The following RAB33A variants were observed in gnomAD, a reference collection of about 807,000 sequenced individuals.
RAB33A encodes RAB33A, member RAS oncogene family.
A neutral mutation model predicts 12.0 loss-of-function variants in RAB33A; 6 were observed. That is an observed-to-expected ratio of 0.50 (90% confidence interval 0.27 to 0.99). The LOEUF is 0.99. RAB33A is among the 50% of genes least tolerant of loss of function. RAB33A has a pLI of 0.11. For missense variants in RAB33A, 109 were observed against 192.0 expected (o/e 0.57, Z 2.55); for synonymous variants, 70 against 82.4 (o/e 0.85, Z 0.81).
upstream of RAB33A, among the ~76,000 whole-genome samples, chrX:130,168,210 C>CTT (rs377586962): frequency 7.4e-5 from 7 of 94,146 alleles, no homozygotes; most frequent in Non-Finnish European, 4.3e-5. Flanking sequence ...CAAAGATACT[C>CTT]TTTTTTTTTT....
At chrX:130,183,626 A>G (rs144932476) in intron 1 of RAB33A, among the ~76,000 whole-genome samples, 326 of 111,795 alleles carry the variant, frequency 2.9e-3, no homozygotes, top group African/African-American at 9.8e-3. Context: ...TTTCTTTTGT[A>G]TAGATTTCTG....
At chrX:130,144,595 T>C in the RAB33A span, among the ~76,000 whole-genome samples, 24 of 111,786 alleles carry the variant, frequency 2.1e-4, no homozygotes, top group Non-Finnish European at 4.3e-4. Flanking sequence ...TTCCATAAGA[T>C]TGCCCATTCT....
chrX:130,140,071 G>C, the RAB33A span, among the ~76,000 whole-genome samples: 245 of 112,372 alleles, frequency 2.2e-3, no homozygotes, highest in African/African-American at 7.2e-3. Flanking sequence ...GCAGATTTGA[G>C]AGTCTGTCTT....
chrX:130,137,269 C>A, the RAB33A span: 1 of 1,201,640 alleles, frequency 8.3e-7, no homozygotes, highest in African/African-American at 1.8e-5. Flanking sequence ...GAGCAGCAGG[C>A]AGCCCTCACT....
At chrX:130,137,103 G>T in the RAB33A span, 1 of 1,211,491 alleles carries the variant, frequency 8.3e-7, no homozygotes, top group Non-Finnish European at 1.1e-6. Context: ...CCATGGTCCA[G>T]TTGCTGAGGT....
the RAB33A span, among the ~76,000 whole-genome samples, chrX:130,123,590 G>A: frequency 1.1e-4 from 12 of 107,621 alleles, 1 homozygote; most frequent in African/African-American, 3.1e-4. Flanking sequence ...TCAGCTATTC[G>A]GGAGGCTGAG....
chrX:130,171,887 C>A, upstream of RAB33A: 2 of 495,677 alleles, frequency 4.0e-6, no homozygotes, highest in South Asian at 3.7e-5. Context: ...GTGAGAGGCA[C>A]CCCCTTCACG....
At chrX:130,137,913 T>C in the RAB33A span, 2 of 218,331 alleles carry the variant, frequency 9.2e-6, no homozygotes, top group Non-Finnish European at 1.4e-5. Flanking sequence ...AAATACAAAA[T>C]TAGCCAGGTG....
chrX:130,148,403 A>G, the RAB33A span, among the ~76,000 whole-genome samples: 1 of 112,047 alleles, frequency 8.9e-6, no homozygotes, highest in Non-Finnish European at 1.9e-5. Flanking sequence ...GTCCTCTCTG[A>G]AAATTGAAGT....
chrX:130,167,431 TAGAG>T (rs1347260727), upstream of RAB33A, among the ~76,000 whole-genome samples: 1 of 112,948 alleles, frequency 8.9e-6, no homozygotes, highest in South Asian at 3.6e-4. Context: ...GGGACAATGA[TAGAG>T]AGTACATACT....
chrX:130,163,681 C>T, the RAB33A span, among the ~76,000 whole-genome samples: 25 of 112,207 alleles, frequency 2.2e-4, no homozygotes, highest in Admixed American at 2.4e-3. Context: ...CCATTTGAGT[C>T]TGTATTTTTC....
chrX:130,154,794 C>G, the RAB33A span, among the ~76,000 whole-genome samples: 1 of 112,437 alleles, frequency 8.9e-6, no homozygotes, highest in Non-Finnish European at 1.9e-5. Context: ...TTCACATTAC[C>G]TTTATTTGCT....
the RAB33A span, among the ~76,000 whole-genome samples, chrX:130,147,056 A>T: frequency 9.0e-6 from 1 of 111,463 alleles, no homozygotes; most frequent in East Asian, 2.8e-4. Flanking sequence ...CAGCTACTTG[A>T]GAAGCTGAGG....
At chrX:130,116,316 C>T in the RAB33A span, among the ~76,000 whole-genome samples, 8 of 109,112 alleles carry the variant, frequency 7.3e-5, no homozygotes, top group African/African-American at 1.7e-4. Flanking sequence ...TATTTTGAGA[C>T]GGAATCTCAC....
chrX:130,117,398 T>C, the RAB33A span, among the ~76,000 whole-genome samples: 1 of 111,092 alleles, frequency 9.0e-6, no homozygotes, highest in African/African-American at 3.3e-5. Flanking sequence ...GAGTAGGTGC[T>C]CACCCTGAGC....
At position 130,174,631 on chromosome X, in the gene RAB33A, C is replaced by T. The variant is rs780475078; in HGVS notation, c.258+2311C>T. On this transcript the variant is annotated intron_variant, in intron 1 of 1. Transcript: ENST00000257017. ...GAGAGAAAAGTCCAGTGTGACAGTC[C>T]GAGGTCTGGCCTAGACCATGGCCAG... Among the ~76,000 whole-genome samples the T allele has an allele frequency of 1.6e-4, 18 of 112,048 alleles. 1 individual carries two copies. The South Asian group carries it at 6.7e-3, about 42-fold the overall frequency.
intron 1 of RAB33A, among the ~76,000 whole-genome samples, chrX:130,183,414 G>A (rs1309815330): frequency 9.2e-6 from 1 of 108,368 alleles, no homozygotes; most frequent in Non-Finnish European, 1.9e-5. Context: ...AATTATCCAG[G>A]CGTGGTGGCG....
At chrX:130,168,996 C>A (rs778400413), upstream of RAB33A, among the ~76,000 whole-genome samples, 55 of 109,737 alleles carry the variant, frequency 5.0e-4, no homozygotes, top group African/African-American at 1.3e-3. Context: ...TCACGAGGTC[C>A]GGAGATCGAG....
intron 1 of RAB33A, among the ~76,000 whole-genome samples, chrX:130,172,753 G>T (rs190567734): frequency 8.2e-4 from 92 of 111,644 alleles, no homozygotes; most frequent in African/African-American, 2.7e-3. Context: ...ACCCCACTTT[G>T]GCTAAGCCTC....
Sources: allele counts gnomAD v4.1 joint callset (sites outside exome capture counted in the v4.1 genomes callset), GRCh38; gene constraint gnomAD v4.1.1; transcripts MANE v1.5; gene names NCBI Gene and HGNC (gene_info 2026-07-23, HGNC 2026-07-21).